Variants in GPHN observed in about 807,000 individuals in gnomAD.
The protein encoded by GPHN is gephyrin.
A neutral mutation model predicts 95.5 loss-of-function variants in GPHN; 17 were observed. The observed-to-expected ratio is 0.18, with a 90% confidence interval of 0.12 to 0.27. GPHN has a LOEUF of 0.27. Among genes scored for constraint, GPHN ranks in the 10% least tolerant of loss-of-function variants. The probability of loss-of-function intolerance (pLI) is 1.00; values close to 1 mark genes in which losing one functional copy is unlikely to be tolerated. For synonymous variants in GPHN, 320 were observed against 322.5 expected, an observed-to-expected ratio of 0.99 and a Z score of 0.08; for missense variants, 660 against 978.1, an observed-to-expected ratio of 0.67 and a Z score of 4.34.
chr14:66,791,939 G>A (rs577401151), intron 3 of GPHN, among the ~76,000 whole-genome samples: 3 of 152,180 alleles, frequency 2.0e-5, no homozygotes, highest in Admixed American at 6.5e-5. Flanking sequence ...CAATCATGGC[G>A]GAAGGAGAAG....
At chr14:67,268,670 C>A in the GPHN span, among the ~76,000 whole-genome samples, 1 of 152,188 alleles carries the variant, frequency 6.6e-6, no homozygotes, top group Non-Finnish European at 1.5e-5. Context: ...CATGCTAACG[C>A]ATTATAATTA....
chr14:67,381,734 A>T, the GPHN span: 4 of 1,347,510 alleles, frequency 3.0e-6, no homozygotes, highest in Admixed American at 7.9e-5. Flanking sequence ...TGCTCACCTA[A>T]ACCAAATAGG....
the GPHN span, among the ~76,000 whole-genome samples, chr14:67,322,247 C>T: frequency 2.0e-5 from 3 of 152,046 alleles, no homozygotes; most frequent in East Asian, 5.8e-4. Context: ...GCTTGGGAGG[C>T]TGGGGTGGGA....
At chr14:67,320,973 A>T in the GPHN span, 5 of 1,113,488 alleles carry the variant, frequency 4.5e-6, no homozygotes, top group Non-Finnish European at 6.8e-6. Context: ...GTTACAAAAT[A>T]GAAATTCTTT....
chr14:67,320,958 T>C, the GPHN span: 1 of 918,226 alleles, frequency 1.1e-6, no homozygotes, highest in Non-Finnish European at 1.7e-6. Context: ...TATTTTATAA[T>C]CTGTGTTACA....
At chr14:67,279,133 T>C in the GPHN span, 26 of 1,497,758 alleles carry the variant, frequency 1.7e-5, no homozygotes, top group Non-Finnish European at 2.3e-5. Flanking sequence ...TAGGAAAAAT[T>C]GATTTATAAA....
chr14:67,562,146 T>C, the GPHN span: 2 of 1,611,542 alleles, frequency 1.2e-6, no homozygotes, highest in African/African-American at 2.7e-5. Flanking sequence ...GCTATTCAGA[T>C]AGCTCCTTCA....
chr14:67,100,906 G>A lies in GPHN; in HGVS notation c.1288G>A (p.Glu430Lys), dbSNP rs201637609. The change falls in exon 13 of 23, where the codon GAA becomes AAA. Residue 430 changes from glutamate to lysine, a missense_variant. Physicochemically the swap from Glu to Lys is moderately conservative, Grantham distance 56 (BLOSUM62 1). Transcript: ENST00000478722. Reference protein sequence around the residue: ...RFIIGESQAGEQPTQTVMPGQ... With the variant: ...RFIIGESQAGKQPTQTVMPGQ... ...CATCATTGGGGAATCCCAAGCTGGTGAACAGGTGAGATTGATAGGCCTGAA... is the reference window on the plus strand; with the variant it reads ...CATCATTGGGGAATCCCAAGCTGGTAAACAGGTGAGATTGATAGGCCTGAA... 1.6e-5 allele frequency: 25 copies of A among 1,585,292 alleles called. No homozygotes were observed. The highest frequency in any genetic ancestry group is 1.3e-5 in the African/African-American group (1 of 74,342).
chr14:66,811,491 G>T (rs1274757664), intron 3 of GPHN, among the ~76,000 whole-genome samples: 1 of 148,014 alleles, frequency 6.8e-6, no homozygotes, highest in African/African-American at 2.5e-5. Context: ...GGTCTTTTTA[G>T]TAAGCATGTA....
chr14:66,815,969 AC>A (rs1449767843), intron 3 of GPHN, among the ~76,000 whole-genome samples: 1 of 152,232 alleles, frequency 6.6e-6, no homozygotes, highest in Non-Finnish European at 1.5e-5. Flanking sequence ...AAACAAATCT[AC>A]CAAGCAAATG....
intron 5 of GPHN, among the ~76,000 whole-genome samples, chr14:66,907,050 A>T (rs2065418084): frequency 6.6e-6 from 1 of 152,184 alleles, no homozygotes; most frequent in Non-Finnish European, 1.5e-5. Flanking sequence ...AGTGACTTGT[A>T]TCCAAAATAT....
intron 3 of GPHN, among the ~76,000 whole-genome samples, chr14:66,788,408 TATG>T (rs1236730717): frequency 5.3e-5 from 8 of 152,214 alleles, no homozygotes; most frequent in African/African-American, 1.7e-4. Flanking sequence ...CACAATGACA[TATG>T]ATGATTTTAT....
At chr14:67,472,934 CCTCGG>C in the GPHN span, 1 of 170,566 alleles carries the variant, frequency 5.9e-6, no homozygotes, top group Admixed American at 5.5e-5. Context: ...CCCAGTCTCT[CCTCGG>C]CTGCAGCTCA....
intron 5 of GPHN, among the ~76,000 whole-genome samples, chr14:66,896,064 G>T (rs2064833774): frequency 6.6e-6 from 1 of 152,026 alleles, no homozygotes; most frequent in Non-Finnish European, 1.5e-5. Flanking sequence ...GGTAGAAGGG[G>T]CAAACTAGCT....
the GPHN span, among the ~76,000 whole-genome samples, chr14:67,209,647 G>A: frequency 9.3e-5 from 14 of 150,914 alleles, no homozygotes; most frequent in African/African-American, 2.7e-4. Context: ...GTGAAACCCC[G>A]TCTCTACTAA....
At chr14:67,678,650 T>C in the GPHN span, among the ~76,000 whole-genome samples, 1 of 152,248 alleles carries the variant, frequency 6.6e-6, no homozygotes, top group East Asian at 1.9e-4. Flanking sequence ...AATGCTTTGT[T>C]TGATATATAA....
the GPHN span, among the ~76,000 whole-genome samples, chr14:67,436,190 G>A: frequency 6.6e-6 from 1 of 152,258 alleles, no homozygotes; most frequent in Admixed American, 6.5e-5. Flanking sequence ...GGATACTACT[G>A]TCCAGCCAAG....
At chr14:66,807,824 C>T (rs2060607853) in intron 3 of GPHN, among the ~76,000 whole-genome samples, 2 of 152,180 alleles carry the variant, frequency 1.3e-5, no homozygotes, top group Non-Finnish European at 2.9e-5. Flanking sequence ...TATCAATAAT[C>T]GTGCAATGAG....
At chr14:67,607,443 T>C in the GPHN span, among the ~76,000 whole-genome samples, 1 of 152,172 alleles carries the variant, frequency 6.6e-6, no homozygotes, top group African/African-American at 2.4e-5. Context: ...CTCGGCTCAC[T>C]GCAACCTCTG....
Sources: gnomAD v4.1 joint callset for allele counts (sites outside exome capture counted in the v4.1 genomes callset) on GRCh38, gnomAD v4.1.1 for gene constraint, MANE v1.5 for transcripts, NCBI Gene and HGNC (gene_info 2026-07-23, HGNC 2026-07-21) for gene names.